CSNK2A2IP: variants seen among roughly 807,000 people sequenced by gnomAD.
CSNK2A2IP encodes the protein casein kinase 2 subunit alpha' interacting protein, also known as casein kinase II subunit alpha'-interacting protein.
At chr3:88,366,188 A>G in the CSNK2A2IP span, among the ~76,000 whole-genome samples, 50 of 152,310 alleles carry the variant, frequency 3.3e-4, 1 homozygote, top group African/African-American at 1.2e-3. Flanking sequence ...GAGGTCCCAC[A>G]GACCTACAGA....
chr3:88,397,368 T>A, the CSNK2A2IP span, among the ~76,000 whole-genome samples: 1 of 152,250 alleles, frequency 6.6e-6, no homozygotes, highest in Non-Finnish European at 1.5e-5. Context: ...TACAATAGTA[T>A]ACTTGAGATG....
chr3:88,431,962 A>G, the CSNK2A2IP span, among the ~76,000 whole-genome samples: 1 of 152,144 alleles, frequency 6.6e-6, no homozygotes, highest in Admixed American at 6.5e-5. Flanking sequence ...CCATTTTCCC[A>G]TGATATAATG....
At chr3:88,340,376 C>T in the CSNK2A2IP span, among the ~76,000 whole-genome samples, 35 of 151,914 alleles carry the variant, frequency 2.3e-4, no homozygotes, top group African/African-American at 8.0e-4. Flanking sequence ...AAAAAATTGC[C>T]TGTAGTTTAT....
At chr3:88,350,083 A>G in the CSNK2A2IP span, among the ~76,000 whole-genome samples, 1 of 152,016 alleles carries the variant, frequency 6.6e-6, no homozygotes, top group Non-Finnish European at 1.5e-5. Context: ...AAGTGTCTTC[A>G]TTTTCAGTAT....
At chr3:88,433,390 T>C in the CSNK2A2IP span, among the ~76,000 whole-genome samples, 5 of 152,186 alleles carry the variant, frequency 3.3e-5, no homozygotes, top group Non-Finnish European at 5.9e-5. Context: ...TTATTTACAA[T>C]ATTTTTAACC....
chr3:88,446,702 C>T, the CSNK2A2IP span, among the ~76,000 whole-genome samples: 1 of 152,150 alleles, frequency 6.6e-6, no homozygotes, highest in Non-Finnish European at 1.5e-5. Flanking sequence ...GAAGGTCACG[C>T]CACTTATGAG....
At chr3:88,357,200 A>C in the CSNK2A2IP span, among the ~76,000 whole-genome samples, 2 of 152,066 alleles carry the variant, frequency 1.3e-5, no homozygotes, top group Non-Finnish European at 2.9e-5. Context: ...ATGTGCTGGA[A>C]TGTTTCTCCA....
chr3:88,348,515 A>G, the CSNK2A2IP span, among the ~76,000 whole-genome samples: 1 of 152,104 alleles, frequency 6.6e-6, no homozygotes, highest in Non-Finnish European at 1.5e-5. Flanking sequence ...ATTCTAAGTT[A>G]AGTGAAACAT....
chr3:88,421,541 A>G, the CSNK2A2IP span, among the ~76,000 whole-genome samples: 1 of 151,990 alleles, frequency 6.6e-6, no homozygotes, highest in Non-Finnish European at 1.5e-5. Context: ...CTCAGCCTCA[A>G]GTAGTTGTTA....
At chr3:88,423,151 T>C in the CSNK2A2IP span, among the ~76,000 whole-genome samples, 1 of 152,210 alleles carries the variant, frequency 6.6e-6, no homozygotes, top group Non-Finnish European at 1.5e-5. Context: ...CTGACATCAG[T>C]TGAGCAATCC....
chr3:88,359,222 A>T, the CSNK2A2IP span, among the ~76,000 whole-genome samples: 1 of 151,542 alleles, frequency 6.6e-6, no homozygotes, highest in African/African-American at 2.4e-5. Flanking sequence ...CTGTGGCATC[A>T]GTTGTAATGT....
chr3:88,372,241 T>C, the CSNK2A2IP span, among the ~76,000 whole-genome samples: 1 of 151,638 alleles, frequency 6.6e-6, no homozygotes, highest in Non-Finnish European at 1.5e-5. Flanking sequence ...CAAAAGTAAT[T>C]GTGTTTTTTG....
chr3:88,345,391 A>G, the CSNK2A2IP span, among the ~76,000 whole-genome samples: 1 of 151,936 alleles, frequency 6.6e-6, no homozygotes, highest in Non-Finnish European at 1.5e-5. Context: ...TTACAGGCAT[A>G]CCTCGTTTAT....
At chr3:88,343,656 C>T in the CSNK2A2IP span, among the ~76,000 whole-genome samples, 3 of 151,850 alleles carry the variant, frequency 2.0e-5, no homozygotes, top group African/African-American at 4.8e-5. Flanking sequence ...AAATGAAGTA[C>T]ATAAGGTTAG....
the CSNK2A2IP span, among the ~76,000 whole-genome samples, chr3:88,457,341 T>G: frequency 6.6e-6 from 1 of 152,014 alleles, no homozygotes; most frequent in Admixed American, 6.6e-5. Flanking sequence ...TTTGACTGGC[T>G]AAAATTTGGC....
the CSNK2A2IP span, among the ~76,000 whole-genome samples, chr3:88,418,266 TAA>T: frequency 6.6e-6 from 1 of 152,098 alleles, no homozygotes. Context: ...GGAATACTCA[TAA>T]AAGTTTTCTT....
At chr3:88,397,488 C>T in the CSNK2A2IP span, among the ~76,000 whole-genome samples, 1 of 152,106 alleles carries the variant, frequency 6.6e-6, no homozygotes, top group Admixed American at 6.5e-5. Flanking sequence ...CTGATAATCC[C>T]TCATGTAACA....
chr3:88,413,195 T>C, the CSNK2A2IP span, among the ~76,000 whole-genome samples: 2,992 of 152,126 alleles, frequency 0.02, 65 homozygotes, highest in African/African-American at 0.044. Context: ...ACCTATGTTG[T>C]GTTCTTGTCA....
the CSNK2A2IP span, among the ~76,000 whole-genome samples, chr3:88,401,100 CAGTAT>C: frequency 2.0e-5 from 3 of 152,154 alleles, no homozygotes; most frequent in African/African-American, 7.2e-5. Context: ...TGTTATTGAG[CAGTAT>C]ATAATTTGTC....
Sources: gnomAD v4.1 joint callset for allele counts (sites outside exome capture counted in the v4.1 genomes callset) on GRCh38, gnomAD v4.1.1 for gene constraint, MANE v1.5 for transcripts, NCBI Gene and HGNC (gene_info 2026-07-23, HGNC 2026-07-21) for gene names.